RBFOX1: variants seen among roughly 807,000 people sequenced by gnomAD.
RBFOX1 encodes RNA binding protein fox-1 homolog 1.
RBFOX1 carries 8 observed loss-of-function variants against 57.7 expected under a neutral mutation model. The ratio of observed to expected loss-of-function variants is 0.14; its 90% CI spans 0.08 to 0.25. RBFOX1 has a LOEUF of 0.25. Ranked by LOEUF, RBFOX1 falls within the 10% of genes least tolerant of loss-of-function variation. The probability of loss-of-function intolerance (pLI) is 1.00; values close to 1 mark genes in which losing one functional copy is unlikely to be tolerated. For synonymous variants in RBFOX1, 326 were observed against 222.4 expected (o/e 1.47, Z -4.15); for missense variants, 611 against 548.5 (o/e 1.11, Z -1.14).
intron 2 of RBFOX1, among the ~76,000 whole-genome samples, chr16:6,392,118 GT>G (rs2092631625): frequency 6.6e-6 from 1 of 152,176 alleles, no homozygotes; most frequent in Non-Finnish European, 1.5e-5. Context: ...GAGTGACTCT[GT>G]TCTATGGCCT....
chr16:6,143,716 G>A (rs2152706711), intron 1 of RBFOX1, among the ~76,000 whole-genome samples: 1 of 152,076 alleles, frequency 6.6e-6, no homozygotes, highest in East Asian at 1.9e-4. Flanking sequence ...GGTGATGTGG[G>A]AAAGCTCAAA....
chr16:7,326,109 C>T (rs779363824), intron 4 of RBFOX1, among the ~76,000 whole-genome samples: 1 of 152,220 alleles, frequency 6.6e-6, no homozygotes, highest in Non-Finnish European at 1.5e-5. Flanking sequence ...GCCTCTGTCT[C>T]ATCCCACAGG....
intron 4 of RBFOX1, among the ~76,000 whole-genome samples, chr16:7,463,377 G>C (rs928075412): frequency 2.6e-5 from 4 of 152,160 alleles, no homozygotes; most frequent in African/African-American, 9.7e-5. Flanking sequence ...GATTGTGGGT[G>C]CCTGTAATCT....
At position 6,623,482 on chromosome 16, in the gene RBFOX1, T is replaced by C. The variant is rs376229036; in HGVS notation, c.-63-31121T>C. Among the ~76,000 whole-genome samples, 7 of 151,780 alleles carry C rather than the reference T, an allele frequency of 4.6e-5. No homozygotes were observed. In the South Asian group the frequency reaches 8.3e-4, roughly 18 times the overall value. On this transcript the variant is annotated intron_variant, in intron 2 of 15. Transcript: ENST00000550418. The stretch of plus-strand genomic sequence containing the variant: ...ATTATACTTTAAGTTTTAGGGTACA[T>C]GTGCACAATGTGCAGGTTAGTTACA...
At chr16:6,516,934 G>A (rs1045526717) in intron 2 of RBFOX1, among the ~76,000 whole-genome samples, 2 of 152,166 alleles carry the variant, frequency 1.3e-5, no homozygotes, top group South Asian at 2.1e-4. Flanking sequence ...AAAACTAACC[G>A]CTTTCCTCCA....
At chr16:6,863,377 T>C (rs927614192) in intron 3 of RBFOX1, among the ~76,000 whole-genome samples, 1 of 152,046 alleles carries the variant, frequency 6.6e-6, no homozygotes, top group Non-Finnish European at 1.5e-5. Flanking sequence ...TCTTCAAGAA[T>C]GTATGGCTAA....
At chr16:7,251,421 T>TTTTC (rs747728642) in intron 4 of RBFOX1, among the ~76,000 whole-genome samples, 1 of 148,676 alleles carries the variant, frequency 6.7e-6, no homozygotes. Flanking sequence ...TTTTTTTTTT[T>TTTTC]CTGTGGGGGA....
At chr16:7,218,255 C>G (rs1000888391) in intron 4 of RBFOX1, among the ~76,000 whole-genome samples, 12 of 152,160 alleles carry the variant, frequency 7.9e-5, no homozygotes, top group Non-Finnish European at 1.5e-4. Context: ...CTGAAAATCA[C>G]TATTCTCTAC....
At chr16:6,560,168 A>G (rs1240654489) in intron 2 of RBFOX1, among the ~76,000 whole-genome samples, 11 of 85,984 alleles carry the variant, frequency 1.3e-4, no homozygotes, top group Non-Finnish European at 2.3e-4. Flanking sequence ...TTCGTTTGCC[A>G]TTTATCAAAA....
At chr16:6,345,302 G>T (rs56134364) in intron 2 of RBFOX1, among the ~76,000 whole-genome samples, 30,680 of 152,100 alleles carry the variant, frequency 0.2, 3,815 homozygotes, top group Non-Finnish European at 0.27. Context: ...TACAGAGCAG[G>T]GCTCCCCCTA....
chr16:5,571,215 CTTTTTTTTTTTT>C (rs34409151), intron 2 of RBFOX1, among the ~76,000 whole-genome samples: 1 of 79,830 alleles, frequency 1.3e-5, no homozygotes, highest in Non-Finnish European at 2.2e-5. Flanking sequence ...CCATCTTTGA[CTTTTTTTTTTTT>C]TTTTTTTTTT....
At chr16:6,356,275 C>G (rs1430409531) in intron 2 of RBFOX1, among the ~76,000 whole-genome samples, 1 of 152,140 alleles carries the variant, frequency 6.6e-6, no homozygotes, top group South Asian at 2.1e-4. Flanking sequence ...GGGGCAAAAA[C>G]CTGCCAAAAA....
At chr16:6,259,942 C>G (rs2097691780) in intron 1 of RBFOX1, among the ~76,000 whole-genome samples, 1 of 137,280 alleles carries the variant, frequency 7.3e-6, no homozygotes. Context: ...GTCTTGGTGA[C>G]AGAGTGAGAC....
At chr16:6,567,280 C>G (rs947232463) in intron 2 of RBFOX1, among the ~76,000 whole-genome samples, 12 of 152,170 alleles carry the variant, frequency 7.9e-5, no homozygotes, top group Non-Finnish European at 1.5e-4. Flanking sequence ...TCCCCTTTAT[C>G]CTGTGAGGCA....
chr16:7,601,984 C>G (rs907547367), intron 9 of RBFOX1, among the ~76,000 whole-genome samples: 2 of 152,178 alleles, frequency 1.3e-5, no homozygotes, highest in Non-Finnish European at 2.9e-5. Flanking sequence ...TGTCAGCTGC[C>G]AGGTCTCTGA....
intron 4 of RBFOX1, among the ~76,000 whole-genome samples, chr16:7,305,498 A>G (rs1172456991): frequency 6.6e-6 from 1 of 152,184 alleles, no homozygotes; most frequent in Non-Finnish European, 1.5e-5. Context: ...GAAGGTTTAC[A>G]GTGATTATAC....
chr16:5,817,547 G>A (rs968102021), intron 3 of RBFOX1, among the ~76,000 whole-genome samples: 8 of 152,142 alleles, frequency 5.3e-5, no homozygotes, highest in African/African-American at 1.9e-4. Flanking sequence ...TCTGACTAAT[G>A]TTTGGGAAGA....
At chr16:7,435,741 T>C (rs1404124001) in intron 4 of RBFOX1, among the ~76,000 whole-genome samples, 3 of 152,154 alleles carry the variant, frequency 2.0e-5, no homozygotes, top group Admixed American at 6.5e-5. Context: ...CAGGGCTAAA[T>C]AATTTTCTTT....
chr16:6,468,321 T>G (rs2095097434), intron 2 of RBFOX1, among the ~76,000 whole-genome samples: 1 of 152,214 alleles, frequency 6.6e-6, no homozygotes, highest in South Asian at 2.1e-4. Flanking sequence ...ATGGCAAGGC[T>G]ACATTCATCA....
Sources: allele counts gnomAD v4.1 joint callset (sites outside exome capture counted in the v4.1 genomes callset), GRCh38; gene constraint gnomAD v4.1.1; transcripts MANE v1.5; gene names NCBI Gene and HGNC (gene_info 2026-07-23, HGNC 2026-07-21).